PUS7: variants seen among roughly 807,000 people sequenced by gnomAD.
PUS7 encodes pseudouridine synthase 7.
A neutral mutation model predicts 79.8 loss-of-function variants in PUS7; 48 were observed. That is an observed-to-expected ratio of 0.60 (90% CI 0.48 to 0.76). PUS7 has a LOEUF of 0.76. PUS7 is among the 30% of genes least tolerant of loss of function. The pLI is 0.00. For missense variants in PUS7, 729 were observed against 797.6 expected (o/e 0.91, Z 1.04); for synonymous variants, 286 against 272.2 (o/e 1.05, Z -0.50).
intron 15 of PUS7, 44 bp from the exon 16 acceptor site, chr7:105,457,970 C>CAG: frequency 6.3e-7 from 1 of 1,597,844 alleles, no homozygotes; most frequent in Non-Finnish European, 8.5e-7. Flanking sequence ...AAGGCAGCTG[C>CAG]AGACAGACCA....
chr7:105,491,527 G>T lies in PUS7; in HGVS notation c.920+13C>A, dbSNP rs1452442342. On this transcript the variant is annotated intron_variant, in intron 7 of 15. Transcript: ENST00000469408. ...ATTTACAGTATAAATCCTGTTACGT[G>T]CTCTCTACTTACTTGAGAACAGCAA... 1 of 1,526,066 alleles carries T rather than the reference G, an allele frequency of 6.6e-7. No homozygotes were observed. Among genetic ancestry groups the T allele is most frequent in the Admixed American group, 1.7e-5 (1 of 57,192 alleles). The allele number at this position is 1,526,066 out of a possible 1,614,324, so 94.5% of individuals were successfully genotyped here. A position where few individuals can be genotyped will look rare whatever the true frequency, so the allele number is the denominator to read the frequency against.
At chr7:105,460,584 G>C (rs1782984193) in intron 14 of PUS7, among the ~76,000 whole-genome samples, 1 of 152,088 alleles carries the variant, frequency 6.6e-6, no homozygotes, top group Non-Finnish European at 1.5e-5. Context: ...GCCGGGCGCG[G>C]TGGCTCACGC....
At chr7:105,516,858 T>C (rs1402147256) in intron 1 of PUS7, among the ~76,000 whole-genome samples, 1 of 151,994 alleles carries the variant, frequency 6.6e-6, no homozygotes, top group East Asian at 1.9e-4. Context: ...AAAACAAGCC[T>C]GACTACCCCA....
At chr7:105,511,237 G>C (rs1825689761) in intron 1 of PUS7, among the ~76,000 whole-genome samples, 2 of 151,022 alleles carry the variant, frequency 1.3e-5, no homozygotes, top group Admixed American at 1.3e-4. Context: ...GCTTCACCAT[G>C]TTGGCCAGGC....
At chr7:105,491,709 T>C (rs1231521603) in intron 6 of PUS7, 92 bp from the exon 7 acceptor site, 5 of 733,578 alleles carry the variant, frequency 6.8e-6, no homozygotes, top group Non-Finnish European at 1.1e-5. Flanking sequence ...AATATAAACA[T>C]ACTTACAATC....
chr7:105,481,272 T>C lies in PUS7; in HGVS notation c.1050-95A>G, dbSNP rs574189097. 10 of 1,052,232 alleles carry C rather than the reference T, an allele frequency of 9.5e-6. No homozygotes were observed. In the East Asian group the frequency reaches 2.2e-4, roughly 23 times the overall value. The allele number at this position is 1,052,232 out of a possible 1,614,324, so 65.2% of individuals were successfully genotyped here. On this transcript the variant is annotated intron_variant, in intron 8 of 15. Transcript: ENST00000469408. ...GACTACGGCCTGGCTTCCAAGTCTT[T>C]CGTTCACTCTCCTGCAGCTTTCTCT...
At chr7:105,486,779 G>T (rs989438702) in intron 7 of PUS7, among the ~76,000 whole-genome samples, 6 of 152,004 alleles carry the variant, frequency 3.9e-5, no homozygotes, top group African/African-American at 1.4e-4. Context: ...AATTCACAAG[G>T]CTGGGCATGG....
chr7:105,462,313 T>C (rs919416521), intron 14 of PUS7: 1 of 252,108 alleles, frequency 4.0e-6, no homozygotes, highest in African/African-American at 2.3e-5. Context: ...GTGCCTGTAA[T>C]CCTAGCTACT....
rs1347387447 is a variant in PUS7, at chr7:105,522,186, C to G, written c.-167G>C. The G allele has an allele frequency of 2.0e-5, 3 of 152,028 alleles. No homozygotes were observed. Among genetic ancestry groups the G allele is most frequent in the African/African-American group, 7.2e-5 (3 of 41,400 alleles). The allele number at this position is 152,028 out of a possible 1,614,324, so 9.4% of individuals were successfully genotyped here. Reference sequence around the variant, plus strand: ...GCGGCCAGGCAAAAGCAGCGCTTTCCGCGCGGAGGACCAGATGCGCTCCAG... The same window carrying G: ...GCGGCCAGGCAAAAGCAGCGCTTTCGGCGCGGAGGACCAGATGCGCTCCAG... On this transcript the variant is annotated 5_prime_UTR_variant, in exon 1 of 16. Transcript: ENST00000469408.
At chr7:105,505,158 G>C (rs1471587035) in intron 4 of PUS7, among the ~76,000 whole-genome samples, 2 of 151,678 alleles carry the variant, frequency 1.3e-5, no homozygotes, top group East Asian at 3.9e-4. Context: ...GCGCTACCAC[G>C]CTTGGCTAAT....
Position 105,508,459 on chromosome 7 carries a change from G to C in PUS7, c.54C>G (p.Val18=), listed in dbSNP as rs760385249. 22 of 1,614,012 alleles carry C rather than the reference G, an allele frequency of 1.4e-5. No homozygotes were observed. In the East Asian group the frequency reaches 3.8e-4, roughly 28 times the overall value. Residue 18 remains valine, a synonymous_variant, in exon 2 of 16, where the codon GTC becomes GTG. Transcript: ENST00000469408. ...GVSLKRGALV[V]EDNDSGVPVE... ...CTGGGACTCCACTGTCATTATCTTC[G>C]ACAACCAGTGCCCCACGTTTCAGCG... is the stretch of plus-strand genomic sequence containing the variant.
At chr7:105,484,425 G>A (rs1325700348) in intron 7 of PUS7, among the ~76,000 whole-genome samples, 1 of 151,756 alleles carries the variant, frequency 6.6e-6, no homozygotes, top group Non-Finnish European at 1.5e-5. Flanking sequence ...GACCAGCCTG[G>A]CCAACACAGC....
chr7:105,475,485 ATT>A (rs538269458), intron 9 of PUS7, among the ~76,000 whole-genome samples: 1 of 149,886 alleles, frequency 6.7e-6, no homozygotes, highest in Admixed American at 6.6e-5. Context: ...GTGCCAGGCC[ATT>A]TTTTTTGTAT....
rs79183962 is a variant in PUS7 at position 105,493,067 on chromosome 7, C to A, written c.843-1450G>T. On this transcript the variant is annotated intron_variant, in intron 6 of 15. Transcript: ENST00000469408. The stretch of plus-strand genomic sequence containing the variant: ...CACTTCCTATCCATCATCTACAATT[C>A]ATTACATTACATAAGACAGTGAAAG... Among the ~76,000 whole-genome samples, 948 of 152,290 alleles carry A rather than the reference C, an allele frequency of 6.2e-3. 17 individuals are homozygous for A. The highest frequency in any genetic ancestry group is 0.044 in the East Asian group (228 of 5,186).
intron 5 of PUS7, among the ~76,000 whole-genome samples, chr7:105,501,954 CAAA>C (rs1260361044): frequency 0.08 from 9,885 of 123,962 alleles, 438 homozygotes; most frequent in Admixed American, 0.12. Context: ...GACTCCGTCT[CAAA>C]AAAAAAAAAA....
At chr7:105,499,362 C>T (rs1393523464) in intron 5 of PUS7, among the ~76,000 whole-genome samples, 1 of 152,106 alleles carries the variant, frequency 6.6e-6, no homozygotes, top group Non-Finnish European at 1.5e-5. Context: ...CTATGGATTC[C>T]TACATACAGG....
In PUS7 at chr7:105,504,227, G is replaced by A. The variant is rs556291863; in HGVS notation, c.586-1663C>T. 9.2e-5 allele frequency among the ~76,000 whole-genome samples: 13 copies of A among 140,788 alleles called. No individual in the cohort carries two copies. In the East Asian group the frequency reaches 2.5e-3, roughly 27 times the overall value. The allele number at this position is 140,788 out of a possible 152,430, so 92.4% of individuals were successfully genotyped here. A position where few individuals can be genotyped will look rare whatever the true frequency, so the allele number is the denominator to read the frequency against. Reference sequence around the variant, plus strand: ...TGGGATTACAGGTGCCCGCCACCACGCCCAGCTAATTTTTCGTATTTTTAG... The same window carrying A: ...TGGGATTACAGGTGCCCGCCACCACACCCAGCTAATTTTTCGTATTTTTAG... On this transcript the variant is annotated intron_variant, in intron 4 of 15. Transcript: ENST00000469408.
chr7:105,510,055 C>T (rs576965705), intron 1 of PUS7, among the ~76,000 whole-genome samples: 2 of 152,268 alleles, frequency 1.3e-5, no homozygotes, highest in Middle Eastern at 6.8e-3. Context: ...AATCCCAATA[C>T]TTTGGGAGGC....
chr7:105,489,548 T>A (rs1276312737), intron 7 of PUS7, among the ~76,000 whole-genome samples: 6 of 152,180 alleles, frequency 3.9e-5, no homozygotes, highest in Non-Finnish European at 4.4e-5. Context: ...ACCATCATCT[T>A]CATGTATTTA....
Sources: allele counts gnomAD v4.1 joint callset (sites outside exome capture counted in the v4.1 genomes callset), GRCh38; gene constraint gnomAD v4.1.1; transcripts MANE v1.5; gene names NCBI Gene and HGNC (gene_info 2026-07-23, HGNC 2026-07-21).